The following TSC1 variants were observed in gnomAD, a reference collection of about 807,000 sequenced individuals.
TSC1 encodes the protein hamartin.
TSC1 carries 20 observed loss-of-function variants against 124.3 expected under a neutral mutation model. The observed-to-expected ratio is 0.16, with a 90% CI of 0.11 to 0.23. TSC1 has a LOEUF of 0.23. Ranked by LOEUF, TSC1 falls within the 10% of genes least tolerant of loss-of-function variation. The probability of loss-of-function intolerance (pLI) is 1.00; values close to 1 mark genes in which losing one functional copy is unlikely to be tolerated. For synonymous variants in TSC1, 493 were observed against 539.1 expected, an observed-to-expected ratio of 0.91 and a Z score of 1.19; for missense variants, 1,124 against 1,448.5, an observed-to-expected ratio of 0.78 and a Z score of 3.64.
At chr9:132,935,192 C>A (rs758094535) in intron 1 of TSC1, 97 bp from the exon 2 acceptor site, 2 of 397,144 alleles carry the variant, frequency 5.0e-6, no homozygotes, top group Admixed American at 8.8e-5. Flanking sequence ...CCTCCTCTAT[C>A]CCTGACAGGT....
chr9:132,944,686 G>C, upstream of TSC1: 1 of 398,804 alleles, frequency 2.5e-6, no homozygotes. Context: ...TCCCCCTCCG[G>C]ACCTCCCCTC....
At chr9:132,920,377 G>T (rs72759437) in intron 8 of TSC1, among the ~76,000 whole-genome samples, 1 of 152,300 alleles carries the variant, frequency 6.6e-6, no homozygotes, top group Non-Finnish European at 1.5e-5. Context: ...AGTTGTCTCT[G>T]AGGTAGTAGG....
rs1286872824 is a variant in TSC1, at chr9:132,894,195, T to G, written c.*2040A>C. The G allele has an allele frequency of 1.3e-5, 3 of 233,192 alleles. No homozygotes were observed. Among genetic ancestry groups the G allele is most frequent in the African/African-American group, 2.2e-5 (1 of 45,336 alleles). The allele number at this position is 233,192 out of a possible 1,614,324, so 14.4% of individuals were successfully genotyped here. A position where few individuals can be genotyped will look rare whatever the true frequency, so the allele number is the denominator to read the frequency against. On this transcript the variant is annotated 3_prime_UTR_variant, in exon 23 of 23. Transcript: ENST00000298552. ...CTCCATGCTGCCTCCTTTCTTCCCT[T>G]TATTTTTATAAGCTGTCCGTTTCTA...
At chr9:132,937,234 G>A (rs1029275594) in intron 1 of TSC1, among the ~76,000 whole-genome samples, 7 of 152,266 alleles carry the variant, frequency 4.6e-5, no homozygotes, top group South Asian at 2.1e-4. Context: ...ACCTGGCGTC[G>A]GGAGTTTGAG....
chr9:132,896,224 AC>A lies in TSC1; in HGVS notation c.*10del. 6.2e-7 allele frequency: 1 copy of A among 1,614,160 alleles called. No homozygotes were observed. The highest frequency in any genetic ancestry group is 8.5e-7 in the Non-Finnish European group (1 of 1,180,020). On this transcript the variant is annotated 3_prime_UTR_variant, in exon 23 of 23. Coordinates refer to ENST00000298552, the MANE Select transcript of TSC1 (RefSeq NM_000368.5). This position sits in a 1 kb window ranked among gnomAD's most constrained non-coding sequence, Gnocchi z 4.5. ...ACAATATGCAAGTTAACACTGATTG[AC>A]CATCATTCCTTAGCTGTGTTCATGA...
intron 12 of TSC1, among the ~76,000 whole-genome samples, chr9:132,909,057 A>G (rs1845814316): frequency 6.6e-6 from 1 of 151,926 alleles, no homozygotes; most frequent in African/African-American, 2.4e-5. Context: ...GGTGCCTGCC[A>G]CCATACCCGG....
chr9:132,903,656 C>T lies in TSC1; in HGVS notation c.2203G>A (p.Ala735Thr), dbSNP rs770518730. ...KAAALEEHNA[A>T]MKDQLKLQEK... The stretch of plus-strand genomic sequence containing the variant: ...GTCCCCTCCCCAGTCCTCACCATGG[C>T]AGCATTATGTTCCTCCAGAGCTGCT... The change falls in exon 17 of 23, where the codon GCC becomes ACC. Residue 735 changes from alanine (A) to threonine (T), a missense_variant. Physicochemically the swap from Ala to Thr is moderately conservative, Grantham distance 58 (BLOSUM62 0). This residue lies in a region of TSC1 where 321 missense variants were observed against 397.4 expected (regional missense o/e 0.81). Transcript: ENST00000298552. This position sits in a 1 kb window ranked among gnomAD's most constrained non-coding sequence, Gnocchi z 5.9. 3 of 1,612,304 alleles carry T rather than the reference C, an allele frequency of 1.9e-6. No individual in the cohort carries two copies. Among genetic ancestry groups the T allele is most frequent in the Non-Finnish European group, 2.5e-6 (3 of 1,179,918 alleles).
chr9:132,895,017 A>AGCATTT lies in TSC1; in HGVS notation c.*1217_*1218insAAATGC, dbSNP rs1844960724. 9.9e-5 allele frequency: 23 copies of AGCATTT among 232,586 alleles called. No homozygotes were observed. The East Asian group carries it at 1.4e-3, about 14-fold the overall frequency. The allele number at this position is 232,586 out of a possible 1,614,324, so 14.4% of individuals were successfully genotyped here. On this transcript the variant is annotated 3_prime_UTR_variant, in exon 23 of 23. Transcript: ENST00000298552. Reference sequence around the variant, plus strand: ...GTGGGGCAGCCTAGTGGGTATACACAGCCAGCCTTTGCCAGCATTCTCCCG... The same window carrying AGCATTT: ...GTGGGGCAGCCTAGTGGGTATACACAGCATTTGCCAGCCTTTGCCAGCATTCTCCCG...
intron 1 of TSC1, 62 bp from the exon 2 acceptor site, chr9:132,935,157 G>T: frequency 2.5e-6 from 1 of 398,582 alleles, no homozygotes; most frequent in South Asian, 1.3e-4. Flanking sequence ...AAGCGGGTTA[G>T]GGGTTCATCT....
At chr9:132,941,763 A>G (rs966200661) in intron 1 of TSC1, 2 of 152,236 alleles carry the variant, frequency 1.3e-5, no homozygotes, top group Non-Finnish European at 1.5e-5. Flanking sequence ...AAAGTCACCA[A>G]TTTGCTTGGT....
Position 132,907,292 on chromosome 9 carries a change from A to T in TSC1, c.1333+9T>A, listed in dbSNP as rs747629498. On this transcript the variant is annotated intron_variant, in intron 13 of 22. Transcript: ENST00000298552. The stretch of plus-strand genomic sequence containing the variant: ...GCAAGCAAGGCCTGTAGTAACGCAG[A>T]AATTTTACCTGATCCTCTGTCATTC... 2 of 1,613,660 alleles carry T rather than the reference A, an allele frequency of 1.2e-6. No homozygotes were observed. The highest frequency in any genetic ancestry group is 1.7e-6 in the Non-Finnish European group (2 of 1,179,552).
At chr9:132,909,271 A>AT (rs1845825230) in intron 12 of TSC1, among the ~76,000 whole-genome samples, 1 of 152,194 alleles carries the variant, frequency 6.6e-6, no homozygotes. Flanking sequence ...GGACACTCTG[A>AT]AAATATTGGC....
Position 132,911,552 on chromosome 9 carries a change from G to T in TSC1, c.930C>A (p.Thr310=), listed in dbSNP as rs759004332. The T allele has an allele frequency of 6.2e-7, 1 of 1,607,464 alleles. No individual in the cohort carries two copies. Among genetic ancestry groups the T allele is most frequent in the Non-Finnish European group, 8.5e-7 (1 of 1,176,566 alleles). The change falls in exon 10 of 23, where the codon ACC becomes ACA. Residue 310 remains threonine, a synonymous_variant. Coordinates refer to ENST00000298552, the MANE Select transcript of TSC1 (RefSeq NM_000368.5). ...ACATCAGCCGAGACGTGGAGTAAGG[G>T]GTAGAAGTAGCACACCCTAAAATGG... is the stretch of plus-strand genomic sequence containing the variant. The part of the protein sequence containing the change: ...TQNSYGCATS[T]PYSTSRLMLL...
At chr9:132,908,687 A>G (rs1028756947) in intron 12 of TSC1, among the ~76,000 whole-genome samples, 3 of 151,188 alleles carry the variant, frequency 2.0e-5, no homozygotes, top group Non-Finnish European at 4.4e-5. Flanking sequence ...GGCTCAAGCA[A>G]TCTACCTCCC....
chr9:132,913,917 T>TTTTTA (rs1564491575), intron 8 of TSC1, among the ~76,000 whole-genome samples: 6 of 95,518 alleles, frequency 6.3e-5, no homozygotes, highest in Admixed American at 1.1e-4. Context: ...TTTTTTTTTT[T>TTTTTA]AGACAGAGTC....
upstream of TSC1, chr9:132,945,231 G>A (rs940204837): frequency 6.6e-6 from 1 of 152,278 alleles, no homozygotes; most frequent in Non-Finnish European, 1.5e-5. Context: ...CTCCTTCCTG[G>A]GCTAAACATT....
At chr9:132,929,499 C>G (rs1310399728) in intron 2 of TSC1, among the ~76,000 whole-genome samples, 1 of 152,154 alleles carries the variant, frequency 6.6e-6, no homozygotes, top group Non-Finnish European at 1.5e-5. Context: ...ATTGCACACC[C>G]AAATACCACT....
Position 132,902,902 on chromosome 9 carries a change from T to A in TSC1, c.2209-115A>T. The A allele has an allele frequency of 7.4e-7, 1 of 1,356,602 alleles. No homozygotes were observed. Among genetic ancestry groups the A allele is most frequent in the Non-Finnish European group, 1.0e-6 (1 of 961,548 alleles). The allele number at this position is 1,356,602 out of a possible 1,614,324, so 84.0% of individuals were successfully genotyped here. ...AAGCTACCCTGAAAATGTAACTAAC[T>A]ACAGACCAAAACTCTTAGAGCTCAC... On this transcript the variant is annotated intron_variant, in intron 17 of 22. Transcript: ENST00000298552. This position sits in a 1 kb window ranked among gnomAD's most constrained non-coding sequence, Gnocchi z 5.2.
At chr9:132,928,478 TA>T (rs1178364615) in intron 3 of TSC1, among the ~76,000 whole-genome samples, 3 of 152,216 alleles carry the variant, frequency 2.0e-5, no homozygotes, top group African/African-American at 4.8e-5. Flanking sequence ...GATTTACAGT[TA>T]AAGCAACATC....
Sources: gnomAD v4.1 joint callset for allele counts (sites outside exome capture counted in the v4.1 genomes callset) on GRCh38, gnomAD v4.1.1 for gene constraint, gnomAD v4.1.1 regional missense constraint, Gnocchi (gnomAD v3.1) non-coding constraint, MANE v1.5 for transcripts, NCBI Gene and HGNC (gene_info 2026-07-23, HGNC 2026-07-21) for gene names.